The following AGBL1 variants were observed in gnomAD, a reference collection of about 807,000 sequenced individuals.
The protein encoded by AGBL1 is cytosolic carboxypeptidase 4.
Under a neutral mutation model 118.9 loss-of-function variants are expected in AGBL1, and 130 were observed. The observed-to-expected ratio is 1.09, with a 90% CI of 0.95 to 1.26. The LOEUF (loss-of-function observed/expected upper bound fraction) is 1.26. Ranked by LOEUF, AGBL1 falls within the 50% of genes most tolerant of loss-of-function variation. AGBL1 has a pLI of 0.00. For missense variants in AGBL1, 1,584 were observed against 1,298.1 expected (o/e 1.22, Z -3.38); for synonymous variants, 555 against 478.9 (o/e 1.16, Z -2.08).
intron 24 of AGBL1, among the ~76,000 whole-genome samples, chr15:86,988,770 G>A (rs2081309549): frequency 6.6e-6 from 1 of 152,046 alleles, no homozygotes; most frequent in South Asian, 2.1e-4. Context: ...TAGAAACAAA[G>A]TTATACATTT....
chr15:86,194,249 C>T (rs2077765704), intron 5 of AGBL1, among the ~76,000 whole-genome samples: 1 of 152,186 alleles, frequency 6.6e-6, no homozygotes, highest in South Asian at 2.1e-4. Flanking sequence ...CCTCGTATAT[C>T]AATTATTCCA....
intron 21 of AGBL1, among the ~76,000 whole-genome samples, chr15:86,578,778 G>A (rs912746504): frequency 5.9e-5 from 9 of 152,180 alleles, no homozygotes; most frequent in African/African-American, 1.9e-4. Context: ...CATGTAAGAC[G>A]TGACTTGCGG....
chr15:86,648,033 A>C (rs1315528725), intron 21 of AGBL1, among the ~76,000 whole-genome samples: 1 of 152,194 alleles, frequency 6.6e-6, no homozygotes, highest in Non-Finnish European at 1.5e-5. Flanking sequence ...GAGTGTTAGG[A>C]AATAAATAGT....
chr15:86,409,425 G>T (rs1596078726), intron 18 of AGBL1, among the ~76,000 whole-genome samples: 1 of 152,234 alleles, frequency 6.6e-6, no homozygotes, highest in East Asian at 1.9e-4. Flanking sequence ...TGGATTCTGG[G>T]AGTGTGTTCC....
chr15:86,687,766 AT>A (rs2086085805), intron 22 of AGBL1, among the ~76,000 whole-genome samples: 1 of 152,110 alleles, frequency 6.6e-6, no homozygotes, highest in African/African-American at 2.4e-5. Flanking sequence ...AATAATTTTA[AT>A]TTATATAATT....
In AGBL1 at chr15:86,915,037, T is replaced by A. The variant is rs2080401676; in HGVS notation, c.*7743T>A. 1 of 152,232 alleles carries A rather than the reference T, an allele frequency of 6.6e-6. No homozygotes were observed. The allele number at this position is 152,232 out of a possible 1,614,324, so 9.4% of individuals were successfully genotyped here. Reference sequence around the variant, plus strand: ...TTGTTTGATTTATTTGTGTGCCAGATGCAGAGCTCACTGTCTGGCCGAGGC... The same window carrying A: ...TTGTTTGATTTATTTGTGTGCCAGAAGCAGAGCTCACTGTCTGGCCGAGGC... On this transcript the variant is annotated 3_prime_UTR_variant, in exon 23 of 23. Transcript: ENST00000614907.
intron 22 of AGBL1, among the ~76,000 whole-genome samples, chr15:86,688,659 A>G (rs972631352): frequency 2.0e-5 from 3 of 152,166 alleles, no homozygotes; most frequent in South Asian, 2.1e-4. Context: ...ATATTTCCCT[A>G]TGAAGTGAAA....
At chr15:86,708,915 AC>A (rs2086504453) in intron 22 of AGBL1, among the ~76,000 whole-genome samples, 1 of 152,050 alleles carries the variant, frequency 6.6e-6, no homozygotes, top group Non-Finnish European at 1.5e-5. Context: ...CTTCACTTCC[AC>A]TGCTCAAGCT....
At chr15:86,595,659 CT>C (rs2084395231) in intron 21 of AGBL1, among the ~76,000 whole-genome samples, 2 of 152,134 alleles carry the variant, frequency 1.3e-5, no homozygotes, top group South Asian at 2.1e-4. Flanking sequence ...ACATGTTCTT[CT>C]TTCCCACTGC....
At chr15:86,355,856 G>C (rs2080706073) in intron 17 of AGBL1, among the ~76,000 whole-genome samples, 1 of 152,078 alleles carries the variant, frequency 6.6e-6, no homozygotes, top group African/African-American at 2.4e-5. Flanking sequence ...CCCATGTTTT[G>C]AAAGCTCACT....
At chr15:86,281,762 G>A (rs1168987228) in intron 16 of AGBL1, among the ~76,000 whole-genome samples, 1 of 152,122 alleles carries the variant, frequency 6.6e-6, no homozygotes, top group East Asian at 1.9e-4. Flanking sequence ...CAGAATTTCT[G>A]CCCTGGGGTC....
At chr15:86,330,619 T>C (rs1036014969) in intron 17 of AGBL1, among the ~76,000 whole-genome samples, 6 of 152,176 alleles carry the variant, frequency 3.9e-5, no homozygotes, top group Non-Finnish European at 1.5e-5. Context: ...TCTCCAGCAA[T>C]GGTCTCTAAC....
chr15:86,351,229 G>T (rs2080621118), intron 17 of AGBL1, among the ~76,000 whole-genome samples: 1 of 152,108 alleles, frequency 6.6e-6, no homozygotes, highest in African/African-American at 2.4e-5. Flanking sequence ...ACAAAGACTA[G>T]GTAAGAGAGA....
At chr15:86,085,192 C>T (rs181207804) in intron 1 of AGBL1, among the ~76,000 whole-genome samples, 1 of 152,114 alleles carries the variant, frequency 6.6e-6, no homozygotes. Flanking sequence ...GGGAAGAAAC[C>T]TCTCCTGATT....
rs142871173 is a variant in AGBL1, at chr15:86,225,845, C to G, written c.526+894C>G. Among the ~76,000 whole-genome samples the G allele has an allele frequency of 3.9e-5, 6 of 152,268 alleles. No individual in the cohort carries two copies. The East Asian group carries it at 9.7e-4, about 25-fold the overall frequency. On this transcript the variant is annotated intron_variant, in intron 6 of 22. Transcript: ENST00000614907. Reference sequence around the variant, plus strand: ...ATAAAAATAAAAACACTCTCTCCCCCCATCCATACATCTCTGTCAACTATA... The same window carrying G: ...ATAAAAATAAAAACACTCTCTCCCCGCATCCATACATCTCTGTCAACTATA...
rs190690737 is a variant in AGBL1 at position 86,450,287 on chromosome 15, C to T, written c.2555+52741C>T. Reference sequence around the variant, plus strand: ...CCAGGAGAGGTTTATGTTTTTACTCCACATTTTTTCCTTGTCAAATCCCTA... The same window carrying T: ...CCAGGAGAGGTTTATGTTTTTACTCTACATTTTTTCCTTGTCAAATCCCTA... On this transcript the variant is annotated intron_variant, in intron 18 of 22. Coordinates refer to ENST00000614907, the MANE Select transcript of AGBL1 (RefSeq NM_001386094.1). Among the ~76,000 whole-genome samples, 112 of 152,300 alleles carry T rather than the reference C, an allele frequency of 7.4e-4. 1 individual carries two copies. Among genetic ancestry groups the T allele is most frequent in the Non-Finnish European group, 1.2e-3 (84 of 68,016 alleles).
At chr15:86,295,710 A>G (rs771416055) in intron 17 of AGBL1, 25 of 209,020 alleles carry the variant, frequency 1.2e-4, no homozygotes, top group Admixed American at 2.6e-4. Flanking sequence ...ATATTTTCCA[A>G]CTTCTAATCC....
In AGBL1 at chr15:86,132,675, T is replaced by C. The variant is rs187537141; in HGVS notation, c.52-9329T>C. On this transcript the variant is annotated intron_variant, in intron 1 of 22. Transcript: ENST00000614907. ...GAACCTTTTAGGCATGTGAGGTTGT[T>C]GATTGCTAGCATTATTATGATGACC... is the stretch of plus-strand genomic sequence containing the variant. 2.0e-5 allele frequency among the ~76,000 whole-genome samples: 3 copies of C among 152,314 alleles called. No individual in the cohort carries two copies. In the East Asian group the frequency reaches 5.8e-4, roughly 29 times the overall value.
intron 18 of AGBL1, among the ~76,000 whole-genome samples, chr15:86,441,573 C>G (rs1327167612): frequency 6.6e-6 from 1 of 152,186 alleles, no homozygotes; most frequent in East Asian, 1.9e-4. Flanking sequence ...TCCGTAAAGG[C>G]AGACCCATGC....
Sources: gnomAD v4.1 joint callset for allele counts (sites outside exome capture counted in the v4.1 genomes callset) on GRCh38, gnomAD v4.1.1 for gene constraint, MANE v1.5 for transcripts, NCBI Gene and HGNC (gene_info 2026-07-23, HGNC 2026-07-21) for gene names.